Variants in SLC22A14 observed in about 807,000 individuals in gnomAD.
The protein encoded by SLC22A14 is organic cation transporter-like 4.
SLC22A14 carries 50 observed loss-of-function variants against 53.9 expected under a neutral mutation model. The ratio of observed to expected loss-of-function variants is 0.93; its 90% CI spans 0.74 to 1.17. The LOEUF (loss-of-function observed/expected upper bound fraction) is 1.17, where lower values mean the gene tolerates loss of function less well. SLC22A14 is among the 50% of genes most tolerant of loss of function. The pLI is 0.00. For synonymous variants in SLC22A14, 312 were observed against 303.0 expected (o/e 1.03, Z -0.31); for missense variants, 671 against 734.7 (o/e 0.91, Z 1.00).
At chr3:38,291,137 T>C (rs1478380730) in intron 1 of SLC22A14, among the ~76,000 whole-genome samples, 1 of 152,218 alleles carries the variant, frequency 6.6e-6, no homozygotes, top group Non-Finnish European at 1.5e-5. Flanking sequence ...TTTTGCCAGC[T>C]GAATGCTAGT....
chr3:38,307,247 C>A lies in SLC22A14; in HGVS notation c.517-7C>A, dbSNP rs1271697726. 1.2e-6 allele frequency: 2 copies of A among 1,606,714 alleles called. No individual in the cohort carries two copies. Among genetic ancestry groups the A allele is most frequent in the East Asian group, 2.2e-5 (1 of 44,840 alleles). ...ACCCGTGGCCAATCTCTGTGTCTGA[C>A]CCACAGTTTGACTTGGTATGTGGCA... On this transcript the variant is annotated splice_polypyrimidine_tract_variant and splice_region_variant and intron_variant, in intron 2 of 10. Transcript: ENST00000448498. The surrounding 1 kb of genome is among the most constrained non-coding windows in gnomAD (Gnocchi z 4.4).
In SLC22A14 at chr3:38,309,149, C is replaced by T. The variant is rs1704400842; in HGVS notation, c.944+27C>T. On this transcript the variant is annotated intron_variant, in intron 5 of 10. Transcript: ENST00000448498. Reference sequence around the variant, plus strand: ...TGAGCAAGCGAGTACCGGGCATGTACAGGGCTGGGTCTGATGGGCTGGATG... The same window carrying T: ...TGAGCAAGCGAGTACCGGGCATGTATAGGGCTGGGTCTGATGGGCTGGATG... The T allele has an allele frequency of 3.1e-6, 5 of 1,598,380 alleles. No individual in the cohort carries two copies. The African/African-American group carries it at 6.7e-5, about 21-fold the overall frequency.
chr3:38,288,393 A>G (rs1703836567), intron 1 of SLC22A14, among the ~76,000 whole-genome samples: 1 of 152,212 alleles, frequency 6.6e-6, no homozygotes, highest in South Asian at 2.1e-4. Context: ...TGCTGTGAAC[A>G]TGGGTGTACA....
intron 1 of SLC22A14, among the ~76,000 whole-genome samples, chr3:38,284,777 A>G (rs1454935940): frequency 6.6e-6 from 1 of 152,116 alleles, no homozygotes; most frequent in East Asian, 1.9e-4. Context: ...AATCACAAGA[A>G]CAGAGACAAG....
At chr3:38,280,086 GT>G (rs1703633524), upstream of SLC22A14, among the ~76,000 whole-genome samples, 1 of 152,288 alleles carries the variant, frequency 6.6e-6, no homozygotes, top group African/African-American at 2.4e-5. Context: ...TCCACTGCGT[GT>G]TTCATACTCA....
chr3:38,306,585 A>G (rs951257357), intron 2 of SLC22A14, 43 bp downstream of exon 2: 15 of 1,556,266 alleles, frequency 9.6e-6, no homozygotes, highest in Non-Finnish European at 1.3e-5. Flanking sequence ...CTACAGGCTC[A>G]GAGTTGTGCC....
rs550975443 is a variant in SLC22A14, at chr3:38,318,272, C to T, written c.*23C>T. 3 of 1,605,766 alleles carry T rather than the reference C, an allele frequency of 1.9e-6. No homozygotes were observed. The highest frequency in any genetic ancestry group is 2.2e-5 in the East Asian group (1 of 44,836). ...TGAGGAAGCGGCCAAGAATGTCATT[C>T]TCAATGCCCAGATCCTGAGATTGGA... On this transcript the variant is annotated 3_prime_UTR_variant, in exon 11 of 11. Transcript: ENST00000448498.
intron 4 of SLC22A14, chr3:38,308,066 C>T (rs1257058060): frequency 1.8e-5 from 5 of 275,650 alleles, no homozygotes; most frequent in African/African-American, 4.4e-5. Context: ...TCTTTGCATA[C>T]CCCCAAGCCC....
chr3:38,316,234 TG>T, intron 9 of SLC22A14, 89 bp from the exon 10 acceptor site: 1 of 1,108,316 alleles, frequency 9.0e-7, no homozygotes, highest in Non-Finnish European at 1.4e-6. Flanking sequence ...GGGTGGAGAC[TG>T]GAGAGTGTGG....
chr3:38,289,430 G>A (rs1021238422), intron 1 of SLC22A14, among the ~76,000 whole-genome samples: 44 of 152,066 alleles, frequency 2.9e-4, no homozygotes, highest in Non-Finnish European at 1.5e-4. Flanking sequence ...TTACCCAGGG[G>A]GTCCTTGCTT....
At chr3:38,303,029 A>T (rs1229819555) in intron 1 of SLC22A14, among the ~76,000 whole-genome samples, 2 of 152,096 alleles carry the variant, frequency 1.3e-5, no homozygotes, top group Non-Finnish European at 2.9e-5. Context: ...CATAAAGTTG[A>T]TGTTAGTATC....
chr3:38,279,959 T>C (rs1017235563), upstream of SLC22A14, among the ~76,000 whole-genome samples: 29 of 152,224 alleles, frequency 1.9e-4, no homozygotes, highest in Non-Finnish European at 3.5e-4. Context: ...AACAACTTGC[T>C]GAGATGCTGA....
intron 1 of SLC22A14, among the ~76,000 whole-genome samples, chr3:38,288,029 A>G (rs1703829435): frequency 6.6e-6 from 1 of 152,162 alleles, no homozygotes; most frequent in Non-Finnish European, 1.5e-5. Flanking sequence ...AACCCTCACT[A>G]CCATCCATCT....
intron 1 of SLC22A14, among the ~76,000 whole-genome samples, chr3:38,284,769 T>C (rs903888062): frequency 6.6e-6 from 1 of 150,620 alleles, no homozygotes; most frequent in African/African-American, 2.5e-5. Flanking sequence ...AAAAAAAAAA[T>C]CACAAGAACA....
chr3:38,294,723 T>A (rs142663802), intron 1 of SLC22A14, among the ~76,000 whole-genome samples: 40 of 152,268 alleles, frequency 2.6e-4, no homozygotes, highest in African/African-American at 9.4e-4. Flanking sequence ...GTCCTGCACC[T>A]GTTTTCCCAC....
At chr3:38,317,459 A>C (rs1178133007) in intron 10 of SLC22A14, among the ~76,000 whole-genome samples, 1 of 152,246 alleles carries the variant, frequency 6.6e-6, no homozygotes, top group Non-Finnish European at 1.5e-5. Context: ...CAAGGGAAGA[A>C]CGTTAATTTG....
At chr3:38,289,882 CAG>C (rs1204996371) in intron 1 of SLC22A14, among the ~76,000 whole-genome samples, 1 of 152,176 alleles carries the variant, frequency 6.6e-6, no homozygotes, top group African/African-American at 2.4e-5. Context: ...ACAGTGAAAA[CAG>C]AGCTCCCATA....
At chr3:38,306,875 C>A in intron 2 of SLC22A14, among the ~76,000 whole-genome samples, 1 of 152,308 alleles carries the variant, frequency 6.6e-6, no homozygotes, top group East Asian at 1.9e-4. Flanking sequence ...GCATCTCTTA[C>A]GGGGCTTCCC....
At chr3:38,313,145 G>A in intron 6 of SLC22A14, 26 bp downstream of exon 6, 1 of 1,608,534 alleles carries the variant, frequency 6.2e-7, no homozygotes, top group Non-Finnish European at 8.5e-7. Flanking sequence ...CCAGGAGTGG[G>A]GCCGGAGCAG....
Sources: gnomAD v4.1 joint callset for allele counts (sites outside exome capture counted in the v4.1 genomes callset) on GRCh38, gnomAD v4.1.1 for gene constraint, Gnocchi (gnomAD v3.1) non-coding constraint, MANE v1.5 for transcripts, NCBI Gene and HGNC (gene_info 2026-07-23, HGNC 2026-07-21) for gene names.